Variants in SLC2A6 observed in about 807,000 individuals in gnomAD.
SLC2A6 encodes the protein solute carrier family 2, facilitated glucose transporter member 6.
A neutral mutation model predicts 47.8 loss-of-function variants in SLC2A6; 39 were observed. The ratio of observed to expected loss-of-function variants is 0.82; its 90% CI spans 0.63 to 1.07. The LOEUF (loss-of-function observed/expected upper bound fraction) is 1.07. Ranked by LOEUF, SLC2A6 falls within the 50% of genes least tolerant of loss-of-function variation. The pLI is 0.00. For missense variants in SLC2A6, 650 were observed against 707.6 expected (o/e 0.92, Z 0.92); for synonymous variants, 346 against 324.1 (o/e 1.07, Z -0.73).
chr9:133,474,096 G>C lies in SLC2A6; in HGVS notation c.928-8C>G, dbSNP rs782811883. ...TGCGTCGTCCTTGGGGGGCTATCGG[G>C]GGGAGACCACCAGGGCTGAGGGACC... On this transcript the variant is annotated splice_region_variant and splice_polypyrimidine_tract_variant and intron_variant, in intron 6 of 9. Transcript: ENST00000371899. 1.3e-6 allele frequency: 2 copies of C among 1,590,608 alleles called. No homozygotes were observed. The highest frequency in any genetic ancestry group is 1.3e-5 in the African/African-American group (1 of 74,696).
rs368333704 is a variant in SLC2A6, at chr9:133,477,125, C to T, written c.372G>A (p.Ala124=). The change falls in exon 3 of 10, where the codon GCG becomes GCA. Residue 124 remains alanine (A), a synonymous_variant. Coordinates refer to ENST00000371899, the MANE Select transcript of SLC2A6 (RefSeq NM_017585.4). The part of the protein sequence containing the change: ...FSAVPSAAGY[A]LMAGAHGLWM... Reference sequence around the variant, plus strand: ...AGAGGCCGTGCGCACCCGCCATGAGCGCATAGCCGGCCGCCGACGGCACAG... The same window carrying T: ...AGAGGCCGTGCGCACCCGCCATGAGTGCATAGCCGGCCGCCGACGGCACAG... 52 of 1,549,254 alleles carry T rather than the reference C, an allele frequency of 3.4e-5. No individual in the cohort carries two copies. The highest frequency in any genetic ancestry group is 4.9e-5 in the East Asian group (2 of 40,916).
rs782266181 is a variant in SLC2A6 at position 133,472,185 on chromosome 9, G to A, written c.1369-9C>T. 19 of 1,612,062 alleles carry A rather than the reference G, an allele frequency of 1.2e-5. No homozygotes were observed. The highest frequency in any genetic ancestry group is 1.7e-5 in the Admixed American group (1 of 59,984). ...TGGAGGCCGAAGGTGCTCTGCGGGT[G>A]AAGAGCGGGGCCGGGTCACAGGGAG... On this transcript the variant is annotated splice_polypyrimidine_tract_variant and intron_variant, in intron 9 of 9. Coordinates refer to ENST00000371899, the MANE Select transcript of SLC2A6 (RefSeq NM_017585.4).
At chr9:133,473,334 C>A in intron 8 of SLC2A6, 81 bp downstream of exon 8, 1 of 1,536,858 alleles carries the variant, frequency 6.5e-7, no homozygotes, top group South Asian at 1.2e-5. Context: ...CTGGAGACCC[C>A]CCTCTCCAGC....
At position 133,475,446 on chromosome 9, in the gene SLC2A6, T is replaced by A; in HGVS notation, c.728A>T (p.Asp243Val). 6.2e-7 allele frequency: 1 copy of A among 1,611,390 alleles called. No homozygotes were observed. The highest frequency in any genetic ancestry group is 8.5e-7 in the Non-Finnish European group (1 of 1,179,472). The change falls in exon 5 of 10, where the codon GAT (aspartate) becomes GTT (valine). Residue 243 changes from aspartate (D) to valine (V), a missense_variant. Asp to Val is a radical substitution (Grantham distance 152). Coordinates refer to ENST00000371899, the MANE Select transcript of SLC2A6 (RefSeq NM_017585.4). ...GATCTGCTCGAACTCCCAGTGGACA[T>A]CGACGTCCGTCCCACGCAGCCAGGC... The part of the protein sequence containing the change: ...ALAWLRGTDV[D>V]VHWEFEQIQD...
intron 9 of SLC2A6, 138 bp from the exon 10 acceptor site, chr9:133,472,314 C>T: frequency 1.0e-6 from 1 of 980,954 alleles, no homozygotes; most frequent in Non-Finnish European, 1.5e-6. Context: ...GAGACCGCCC[C>T]CCCACACCAG....
chr9:133,475,357 C>T, intron 5 of SLC2A6, 43 bp downstream of exon 5: 2 of 1,535,440 alleles, frequency 1.3e-6, no homozygotes, highest in Non-Finnish European at 1.8e-6. Flanking sequence ...AGCTGAAGTG[C>T]TGGAGGTGGG....
Position 133,477,140 on chromosome 9 carries a change from C to G in SLC2A6, c.357G>C (p.Ser119=), listed in dbSNP as rs587747603. 3 of 1,549,654 alleles carry G rather than the reference C, an allele frequency of 1.9e-6. No homozygotes were observed. Among genetic ancestry groups the G allele is most frequent in the African/African-American group, 1.4e-5 (1 of 73,156 alleles). The change falls in exon 3 of 10, where the codon TCG becomes TCC. Residue 119 remains serine, a synonymous_variant. Transcript: ENST00000371899. ...KLSIMFSAVP[S]AAGYALMAGA... is the part of the protein sequence containing the mutation. ...CCGCCATGAGCGCATAGCCGGCCGC[C>G]GACGGCACAGCTGAGAACATGATGC...
chr9:133,473,315 G>T, intron 8 of SLC2A6, 65 bp from the exon 9 acceptor site: 1 of 1,541,478 alleles, frequency 6.5e-7, no homozygotes, highest in Non-Finnish European at 8.7e-7. Flanking sequence ...GTCTGTCTCC[G>T]CTGAGCTGCT....
In SLC2A6 at chr9:133,476,261, C is replaced by T. The variant is rs781980391; in HGVS notation, c.538G>A (p.Gly180Arg). Residue 180 changes from glycine to arginine, a missense_variant, in exon 4 of 10, where the codon GGA becomes AGA. Transcript: ENST00000371899. ...GATPQLMAVF[G>R]SLSLYALGLL... ...CCAAGGGCGTAGAGGGACAGGGATC[C>T]GAACACTGCCATGAGCTGGGGTGTG... The T allele has an allele frequency of 6.2e-7, 1 of 1,612,834 alleles. No individual in the cohort carries two copies. Among genetic ancestry groups the T allele is most frequent in the Non-Finnish European group, 8.5e-7 (1 of 1,179,914 alleles).
chr9:133,476,908 C>T (rs1261800184), intron 3 of SLC2A6, 127 bp downstream of exon 3: 4 of 1,069,004 alleles, frequency 3.7e-6, no homozygotes, highest in Non-Finnish European at 2.7e-6. Flanking sequence ...GCGCCCTGGG[C>T]ATCCGCAGGG....
intron 6 of SLC2A6, among the ~76,000 whole-genome samples, chr9:133,474,734 A>G (rs1843874793): frequency 6.6e-6 from 1 of 152,200 alleles, no homozygotes; most frequent in Non-Finnish European, 1.5e-5. Flanking sequence ...TTTATTTTAA[A>G]ACACTTAAGC....
intron 2 of SLC2A6, among the ~76,000 whole-genome samples, chr9:133,477,849 C>T (rs950848823): frequency 6.6e-6 from 1 of 152,216 alleles, no homozygotes; most frequent in South Asian, 2.1e-4. Context: ...TAATTTTAGA[C>T]TCTGGGACTC....
intron 4 of SLC2A6, 71 bp downstream of exon 4, chr9:133,476,166 C>T (rs1843940300): frequency 1.7e-6 from 2 of 1,198,488 alleles, no homozygotes; most frequent in Non-Finnish European, 1.2e-6. Context: ...ATTCCCTTTC[C>T]ACCCACGTCT....
At chr9:133,475,997 C>T (rs587707011) in intron 4 of SLC2A6, among the ~76,000 whole-genome samples, 1 of 152,392 alleles carries the variant, frequency 6.6e-6, no homozygotes, top group Admixed American at 6.5e-5. Context: ...AGTCTGGCGA[C>T]TGTGGGTCCA....
At chr9:133,472,261 TG>T in intron 9 of SLC2A6, 85 bp from the exon 10 acceptor site, 1 of 1,482,038 alleles carries the variant, frequency 6.7e-7, no homozygotes, top group African/African-American at 1.4e-5. Context: ...CTGCTGGTAG[TG>T]ACCAGCCCTG....
chr9:133,473,836 G>T, intron 7 of SLC2A6, 144 bp downstream of exon 7: 1 of 798,284 alleles, frequency 1.3e-6, no homozygotes, highest in Non-Finnish European at 1.9e-6. Flanking sequence ...CACTGGCCTG[G>T]GCCAGGGCCC....
chr9:133,472,215 T>C, intron 9 of SLC2A6, 39 bp from the exon 10 acceptor site: 3 of 1,605,192 alleles, frequency 1.9e-6, no homozygotes, highest in Non-Finnish European at 2.5e-6. Flanking sequence ...AGGGAGAAGC[T>C]CCAGGGTCCT....
At chr9:133,474,112 C>T in intron 6 of SLC2A6, 24 bp from the exon 7 acceptor site, 1 of 1,549,934 alleles carries the variant, frequency 6.5e-7, no homozygotes, top group African/African-American at 1.3e-5. Flanking sequence ...ACCACCAGGG[C>T]TGAGGGACCT....
intron 1 of SLC2A6, 116 bp from the exon 2 acceptor site, chr9:133,478,532 G>T: frequency 8.5e-7 from 1 of 1,176,490 alleles, no homozygotes; most frequent in Non-Finnish European, 1.2e-6. Flanking sequence ...GGAGGCCTGG[G>T]TCCAAGGCCA....
Sources: gnomAD v4.1 joint callset for allele counts (sites outside exome capture counted in the v4.1 genomes callset) on GRCh38, gnomAD v4.1.1 for gene constraint, MANE v1.5 for transcripts, NCBI Gene and HGNC (gene_info 2026-07-23, HGNC 2026-07-21) for gene names.